PDE3B: variants seen among roughly 807,000 people sequenced by gnomAD.
PDE3B encodes phosphodiesterase 3B.
PDE3B carries 66 observed loss-of-function variants against 116.8 expected under a neutral mutation model. The ratio of observed to expected loss-of-function variants is 0.56; its 90% CI spans 0.46 to 0.69. The LOEUF (loss-of-function observed/expected upper bound fraction) is 0.69, where lower values mean the gene tolerates loss of function less well. Among genes scored for constraint, PDE3B ranks in the 30% least tolerant of loss-of-function variants. The pLI is 0.00. For missense variants in PDE3B, 1,384 were observed against 1,368.1 expected, an observed-to-expected ratio of 1.01 and a Z score of -0.18; for synonymous variants, 595 against 533.6, an observed-to-expected ratio of 1.12 and a Z score of -1.59.
At chr11:14,725,275 T>TTCTTTCTC (rs1856254090) in intron 1 of PDE3B, among the ~76,000 whole-genome samples, 1 of 150,910 alleles carries the variant, frequency 6.6e-6, no homozygotes, top group African/African-American at 2.4e-5. Flanking sequence ...TTCTCTTTCT[T>TTCTTTCTC]TTTCTTTCTT....
At chr11:14,718,534 C>T (rs1409418651) in intron 1 of PDE3B, among the ~76,000 whole-genome samples, 1 of 149,222 alleles carries the variant, frequency 6.7e-6, no homozygotes, top group East Asian at 2.0e-4. Context: ...AAGCTCTCCT[C>T]AGCAAATGTA....
At chr11:14,692,771 T>C (rs1855082211) in intron 1 of PDE3B, among the ~76,000 whole-genome samples, 1 of 152,102 alleles carries the variant, frequency 6.6e-6, no homozygotes, top group Admixed American at 6.6e-5. Context: ...CCTGAGACAC[T>C]GCAATAATGA....
chr11:14,805,319 A>G (rs1858886263), intron 5 of PDE3B, among the ~76,000 whole-genome samples: 1 of 152,210 alleles, frequency 6.6e-6, no homozygotes, highest in Non-Finnish European at 1.5e-5. Context: ...GTGAACTCCA[A>G]AGACAATGGC....
At chr11:14,773,776 A>G (rs1857708715) in intron 2 of PDE3B, 1 of 152,106 alleles carries the variant, frequency 6.6e-6, no homozygotes, top group Non-Finnish European at 1.5e-5. Flanking sequence ...TGAAAGCCCT[A>G]TTTTAATTTC....
At chr11:14,817,965 G>T (rs530998162) in intron 5 of PDE3B, among the ~76,000 whole-genome samples, 1 of 151,750 alleles carries the variant, frequency 6.6e-6, no homozygotes. Flanking sequence ...CCCAACAAGG[G>T]GTGTTTACCC....
At chr11:14,854,518 A>T (rs1847812470) in intron 12 of PDE3B, among the ~76,000 whole-genome samples, 1 of 143,986 alleles carries the variant, frequency 6.9e-6, no homozygotes, top group South Asian at 2.2e-4. Context: ...GAAATCTAGA[A>T]TTTTTTTTTT....
chr11:14,698,001 C>T (rs552228218), intron 1 of PDE3B, among the ~76,000 whole-genome samples: 74 of 151,934 alleles, frequency 4.9e-4, no homozygotes, highest in Admixed American at 2.2e-3. Context: ...TGCCTGTTTT[C>T]CTGACTATAA....
At chr11:14,673,648 T>C (rs1233765727) in intron 1 of PDE3B, 2 of 687,788 alleles carry the variant, frequency 2.9e-6, no homozygotes, top group Non-Finnish European at 5.6e-6. Context: ...AACAAAGTTG[T>C]AGAATTCTTT....
intron 1 of PDE3B, among the ~76,000 whole-genome samples, chr11:14,691,685 G>A (rs1855045027): frequency 6.6e-6 from 1 of 152,122 alleles, no homozygotes; most frequent in African/African-American, 2.4e-5. Flanking sequence ...ACATTTTAGT[G>A]GAAGAGACAG....
chr11:14,837,279 G>T (rs558648386), intron 11 of PDE3B, among the ~76,000 whole-genome samples: 1 of 152,280 alleles, frequency 6.6e-6, no homozygotes, highest in East Asian at 1.9e-4. Flanking sequence ...AGTCTCTCTT[G>T]TAGTCTGGAT....
intron 1 of PDE3B, among the ~76,000 whole-genome samples, chr11:14,656,839 G>T (rs957895897): frequency 6.6e-6 from 1 of 152,054 alleles, no homozygotes; most frequent in African/African-American, 2.4e-5. Flanking sequence ...TAAATCAATG[G>T]TAAAACGAAT....
At chr11:14,858,137 A>G (rs1339987866) in intron 12 of PDE3B, among the ~76,000 whole-genome samples, 5 of 152,222 alleles carry the variant, frequency 3.3e-5, no homozygotes, top group African/African-American at 1.2e-4. Flanking sequence ...GAGCTATTCA[A>G]TTAAGCTCTC....
At chr11:14,799,238 G>A (rs757860516) in intron 4 of PDE3B, among the ~76,000 whole-genome samples, 1 of 152,124 alleles carries the variant, frequency 6.6e-6, no homozygotes, top group East Asian at 1.9e-4. Flanking sequence ...GTAGTTGTGC[G>A]GTTTCGAGTG....
intron 1 of PDE3B, among the ~76,000 whole-genome samples, chr11:14,728,836 A>G (rs1467043796): frequency 6.6e-6 from 1 of 152,184 alleles, no homozygotes; most frequent in African/African-American, 2.4e-5. Context: ...TTTTGAATAT[A>G]AAAACTAAAC....
At chr11:14,682,970 T>C (rs1298461204) in intron 1 of PDE3B, among the ~76,000 whole-genome samples, 2 of 151,510 alleles carry the variant, frequency 1.3e-5, no homozygotes, top group Non-Finnish European at 2.9e-5. Context: ...GGAGTTTGGC[T>C]CTTGTTGTCC....
At chr11:14,815,715 C>T (rs190712111) in intron 5 of PDE3B, among the ~76,000 whole-genome samples, 25 of 151,934 alleles carry the variant, frequency 1.6e-4, no homozygotes, top group African/African-American at 5.6e-4. Flanking sequence ...ACATGAACAC[C>T]AGGGGGCAAG....
the PDE3B span, chr11:14,890,824 A>T: frequency 2.1e-6 from 2 of 974,520 alleles, no homozygotes; most frequent in East Asian, 2.3e-4. Flanking sequence ...CTGGGATTAT[A>T]GGCGTGAGCC....
rs531385341 is a variant in PDE3B, at chr11:14,683,671, G to C, written c.978+38618G>C. Among the ~76,000 whole-genome samples, 4 of 151,848 alleles carry C rather than the reference G, an allele frequency of 2.6e-5. No individual in the cohort carries two copies. The East Asian group carries it at 7.7e-4, about 29-fold the overall frequency. On this transcript the variant is annotated intron_variant, in intron 1 of 15. Coordinates refer to ENST00000282096, the MANE Select transcript of PDE3B (RefSeq NM_000922.4). Reference sequence around the variant, plus strand: ...TTATTTTTCTGTTATCACTCTTATTGATGGGGAGCTGATCATTATTTCTTT... The same window carrying C: ...TTATTTTTCTGTTATCACTCTTATTCATGGGGAGCTGATCATTATTTCTTT...
chr11:14,879,115 T>C, the PDE3B span: 2 of 1,612,628 alleles, frequency 1.2e-6, no homozygotes, highest in Non-Finnish European at 1.7e-6. Context: ...TTCTCTTACC[T>C]AGGGAAAAAG....
Sources: gnomAD v4.1 joint callset for allele counts (sites outside exome capture counted in the v4.1 genomes callset) on GRCh38, gnomAD v4.1.1 for gene constraint, MANE v1.5 for transcripts, NCBI Gene and HGNC (gene_info 2026-07-23, HGNC 2026-07-21) for gene names.